The following ACTR1B variants were observed in gnomAD, a reference collection of about 807,000 sequenced individuals.
ACTR1B encodes the protein beta-centractin.
In ACTR1B, 34 loss-of-function variants were observed where a neutral mutation model predicts 49.4. That is an observed-to-expected ratio of 0.69 (90% CI 0.52 to 0.92). ACTR1B has a LOEUF of 0.92. Ranked by LOEUF, ACTR1B falls within the 40% of genes least tolerant of loss-of-function variation. The probability of loss-of-function intolerance (pLI) is 0.00; values close to 1 mark genes in which losing one functional copy is unlikely to be tolerated. For synonymous variants in ACTR1B, 207 were observed against 207.8 expected (o/e 1.00, Z 0.03); for missense variants, 471 against 522.4 (o/e 0.90, Z 0.96).
In ACTR1B at chr2:97,656,843, C is replaced by CGAGG. The variant is rs1559287830; in HGVS notation, c.*14_*15insCCTC. ...TCCCTCCCCCTCTCCCAACATGCCCCGCCCTCCTTGGGCACTAGAAAGTTT... is the reference window on the plus strand; with the variant it reads ...TCCCTCCCCCTCTCCCAACATGCCCCGAGGGCCCTCCTTGGGCACTAGAAAGTTT... On this transcript the variant is annotated 3_prime_UTR_variant, in exon 11 of 11. Coordinates refer to ENST00000289228, the MANE Select transcript of ACTR1B (RefSeq NM_005735.4). The CGAGG allele has an allele frequency of 6.4e-7, 1 of 1,561,644 alleles. No individual in the cohort carries two copies. The highest frequency in any genetic ancestry group is 8.7e-7 in the Non-Finnish European group (1 of 1,149,852).
rs998905538 is a variant in ACTR1B at position 97,659,291 on chromosome 2, C to G, written c.315+61G>C. 9.3e-6 allele frequency: 15 copies of G among 1,608,442 alleles called. No homozygotes were observed. The Admixed American group carries it at 2.3e-4, about 25-fold the overall frequency. On this transcript the variant is annotated intron_variant, in intron 4 of 10. Coordinates refer to ENST00000289228, the MANE Select transcript of ACTR1B (RefSeq NM_005735.4). This position sits in a 1 kb window ranked among gnomAD's most constrained non-coding sequence, Gnocchi z 4.0. ...AATGTGGGAGCCCGGCGAGGAGGGA[C>G]GCAGAGGAGAGGGGCATGGCCAGGA...
chr2:97,663,920 GC>G lies in ACTR1B; in HGVS notation c.-31del. 1 of 1,319,252 alleles carries G rather than the reference GC, an allele frequency of 7.6e-7. No individual in the cohort carries two copies. The highest frequency in any genetic ancestry group is 9.8e-7 in the Non-Finnish European group (1 of 1,019,754). The allele number at this position is 1,319,252 out of a possible 1,614,324, so 81.7% of individuals were successfully genotyped here. On this transcript the variant is annotated 5_prime_UTR_variant, in exon 1 of 11. Coordinates refer to ENST00000289228, the MANE Select transcript of ACTR1B (RefSeq NM_005735.4). ...GGGCCGCGCCGGCCCTGCCCAGCAG[GC>G]GGGCTGCAGGAGGCACCGGATGGGC... is the stretch of plus-strand genomic sequence containing the variant.
At chr2:97,657,752 A>T (rs1038669466) in intron 8 of ACTR1B, among the ~76,000 whole-genome samples, 191 bp downstream of exon 8, 21 of 152,354 alleles carry the variant, frequency 1.4e-4, no homozygotes, top group Non-Finnish European at 2.8e-4. Context: ...TACACTTTAG[A>T]GCTTGTGTAA....
chr2:97,657,276 CT>C, intron 9 of ACTR1B, 84 bp from the exon 10 acceptor site: 1 of 1,568,146 alleles, frequency 6.4e-7, no homozygotes, highest in South Asian at 1.1e-5. Flanking sequence ...TCCCCAGGTC[CT>C]GAAGCCTGAC....
In ACTR1B at chr2:97,659,808, C is replaced by T; in HGVS notation, c.190-331G>A. ...ACATTCTCCTCACACTCTGCCAGCT[C>T]CCCTCTGGCCAGCGCCGGCACCTTG... On this transcript the variant is annotated intron_variant, in intron 3 of 10. Coordinates refer to ENST00000289228, the MANE Select transcript of ACTR1B (RefSeq NM_005735.4). This position sits in a 1 kb window ranked among gnomAD's most constrained non-coding sequence, Gnocchi z 4.0. The T allele has an allele frequency of 5.3e-6, 2 of 380,776 alleles. No homozygotes were observed. Among genetic ancestry groups the T allele is most frequent in the South Asian group, 3.0e-5 (1 of 32,914 alleles). 23.6% of individuals were successfully genotyped at this position (380,776 alleles called of 1,614,324 possible). A position where few individuals can be genotyped will look rare whatever the true frequency, so the allele number is the denominator to read the frequency against.
intron 1 of ACTR1B, among the ~76,000 whole-genome samples, chr2:97,662,337 T>C (rs1172016214): frequency 6.6e-6 from 1 of 151,922 alleles, no homozygotes; most frequent in Non-Finnish European, 1.5e-5. Flanking sequence ...CAACTAATGG[T>C]TGGCTCCAGC....
intron 1 of ACTR1B, among the ~76,000 whole-genome samples, chr2:97,662,484 T>G (rs1675045182): frequency 6.6e-6 from 1 of 151,468 alleles, no homozygotes; most frequent in Non-Finnish European, 1.5e-5. Flanking sequence ...CAGGGCCTGC[T>G]GGAGAAGACC....
Position 97,658,146 on chromosome 2 carries a change from G to A in ACTR1B, c.751-29C>T. ...TAGTGTACAAGATTGAGGCAGACAG[G>A]CTTCCTGGAGAAGCGGGCTACCCCT... On this transcript the variant is annotated intron_variant, in intron 7 of 10. Transcript: ENST00000289228. The surrounding 1 kb of genome is among the most constrained non-coding windows in gnomAD (Gnocchi z 5.9). 1 of 1,612,952 alleles carries A rather than the reference G, an allele frequency of 6.2e-7. No homozygotes were observed. Among genetic ancestry groups the A allele is most frequent in the South Asian group, 1.1e-5 (1 of 91,074 alleles).
At chr2:97,657,254 T>TGGGGAAGGTGACCCCAAGGC in intron 9 of ACTR1B, 62 bp from the exon 10 acceptor site, 1 of 1,595,658 alleles carries the variant, frequency 6.3e-7, no homozygotes, top group Non-Finnish European at 8.6e-7. Context: ...CCTCCCAGCC[T>TGGGGAAGGTGACCCCAAGGC]TGGGGTCACC....
At position 97,658,074 on chromosome 2, in the gene ACTR1B, G is replaced by A. The variant is rs1354582137; in HGVS notation, c.794C>T (p.Pro265Leu). Residue 265 changes from proline (P) to leucine (L), a missense_variant, in exon 8 of 11, where the codon CCG becomes CTG. Transcript: ENST00000289228. The surrounding 1 kb of genome is among the most constrained non-coding windows in gnomAD (Gnocchi z 5.9). ...RFRAPELLFQ[P>L]DLVGDESEGL... The stretch of plus-strand genomic sequence containing the variant: ...CTCACTCTCATCCCCGACAAGGTCC[G>A]GCTGGAACAGCAGCTCGGGGGCCCG... 5.6e-6 allele frequency: 9 copies of A among 1,614,108 alleles called. No individual in the cohort carries two copies. The highest frequency in any genetic ancestry group is 7.6e-6 in the Non-Finnish European group (9 of 1,180,012).
chr2:97,658,811 T>TA lies in ACTR1B; in HGVS notation c.440+67_440+68insT. ...CTGTTTTTCCAGGGAAGTCAGACCC[T>TA]GGTCATGGCAAGCAGGACGGCACAG... is the stretch of plus-strand genomic sequence containing the variant. On this transcript the variant is annotated intron_variant, in intron 5 of 10. Coordinates refer to ENST00000289228, the MANE Select transcript of ACTR1B (RefSeq NM_005735.4). The surrounding 1 kb of genome is among the most constrained non-coding windows in gnomAD (Gnocchi z 5.9). 6.2e-7 allele frequency: 1 copy of TA among 1,608,954 alleles called. No homozygotes were observed. Among genetic ancestry groups the TA allele is most frequent in the East Asian group, 2.2e-5 (1 of 44,728 alleles).
In ACTR1B at chr2:97,659,560, G is replaced by A. The variant is rs1266463066; in HGVS notation, c.190-83C>T. On this transcript the variant is annotated intron_variant, in intron 3 of 10. Transcript: ENST00000289228. The surrounding 1 kb of genome is among the most constrained non-coding windows in gnomAD (Gnocchi z 4.0). ...CCCTCCTGGAAGCTGACCCTCACCT[G>A]CCCTGACCAGAACCTCACCTGCCCT... 1 of 336,502 alleles carries A rather than the reference G, an allele frequency of 3.0e-6. No homozygotes were observed. The highest frequency in any genetic ancestry group is 6.4e-6 in the Non-Finnish European group (1 of 155,380). 20.8% of individuals were successfully genotyped at this position (336,502 alleles called of 1,614,324 possible).
At position 97,657,194 on chromosome 2, in the gene ACTR1B, T is replaced by G; in HGVS notation, c.988-2A>C. ...CAGCCGTTCCTGCGGGGCTGAGATC[T>G]AGAAGGAGGAAGTGGCCACGTTAAC... On this transcript the variant is annotated splice_acceptor_variant, in intron 9 of 10. Coordinates refer to ENST00000289228, the MANE Select transcript of ACTR1B (RefSeq NM_005735.4). LOFTEE classifies it high-confidence loss of function. 1 of 1,613,150 alleles carries G rather than the reference T, an allele frequency of 6.2e-7. No individual in the cohort carries two copies. The highest frequency in any genetic ancestry group is 8.5e-7 in the Non-Finnish European group (1 of 1,179,684).
chr2:97,663,457 C>T lies in ACTR1B; in HGVS notation c.48+386G>A, dbSNP rs117085417. ...AATGACAAATGCTACCCCACCTCCGCCAGGCAGCCAGAGCCAGGGCCGAAG... is the reference window on the plus strand; with the variant it reads ...AATGACAAATGCTACCCCACCTCCGTCAGGCAGCCAGAGCCAGGGCCGAAG... On this transcript the variant is annotated intron_variant, in intron 1 of 10. Transcript: ENST00000289228. Among the ~76,000 whole-genome samples the T allele has an allele frequency of 9.8e-5, 15 of 152,342 alleles. No homozygotes were observed. In the East Asian group the frequency reaches 2.9e-3, roughly 29 times the overall value.
chr2:97,658,046 C>T lies in ACTR1B; in HGVS notation c.822G>A (p.Gly274=). 6.2e-7 allele frequency: 1 copy of T among 1,614,134 alleles called. No homozygotes were observed. The highest frequency in any genetic ancestry group is 8.5e-7 in the Non-Finnish European group (1 of 1,180,036). Residue 274 remains glycine, a synonymous_variant, in exon 8 of 11, where the codon GGG becomes GGA. Coordinates refer to ENST00000289228, the MANE Select transcript of ACTR1B (RefSeq NM_005735.4). The surrounding 1 kb of genome is among the most constrained non-coding windows in gnomAD (Gnocchi z 5.9). ...TGGCGAAGGCCACCACCTCATGGAG[C>T]CCCTCACTCTCATCCCCGACAAGGT... is the stretch of plus-strand genomic sequence containing the variant. ...QPDLVGDESE[G]LHEVVAFAIH...
intron 3 of ACTR1B, 105 bp downstream of exon 3, chr2:97,660,466 T>C: frequency 8.7e-7 from 1 of 1,151,988 alleles, no homozygotes; most frequent in African/African-American, 1.5e-5. Context: ...AGCTGGAGCC[T>C]GGAGGAGGTA....
At position 97,659,027 on chromosome 2, in the gene ACTR1B, G is replaced by A. The variant is rs1674938707; in HGVS notation, c.316-24C>T. ...TGCTGCGAGGGACGGGACAGTTGTA[G>A]GCATCAGAGGAGGCAACTTGCAAGG... is the stretch of plus-strand genomic sequence containing the variant. On this transcript the variant is annotated intron_variant, in intron 4 of 10. Coordinates refer to ENST00000289228, the MANE Select transcript of ACTR1B (RefSeq NM_005735.4). The surrounding 1 kb of genome is among the most constrained non-coding windows in gnomAD (Gnocchi z 4.0). The A allele has an allele frequency of 6.2e-7, 1 of 1,613,770 alleles. No homozygotes were observed.
chr2:97,658,643 C>G lies in ACTR1B; in HGVS notation c.441G>C (p.Leu147=). The G allele has an allele frequency of 6.2e-7, 1 of 1,613,696 alleles. No homozygotes were observed. The part of the protein sequence containing the change: ...LFISMQAVLS[L]YATGRTTGVV... Reference sequence around the variant, plus strand: ...CTCCTGTCGTGCGTCCTGTTGCGTACCTGTCACCAGGTCAGCATCCCCTCA... The same window carrying G: ...CTCCTGTCGTGCGTCCTGTTGCGTAGCTGTCACCAGGTCAGCATCCCCTCA... Residue 147 remains leucine (L), a splice_region_variant and synonymous_variant, in exon 6 of 11, where the codon CTG becomes CTC. Transcript: ENST00000289228. This position sits in a 1 kb window ranked among gnomAD's most constrained non-coding sequence, Gnocchi z 5.9.
intron 1 of ACTR1B, among the ~76,000 whole-genome samples, 180 bp downstream of exon 1, chr2:97,663,663 T>A (rs562818351): frequency 1.1e-3 from 171 of 151,190 alleles, no homozygotes; most frequent in Non-Finnish European, 2.1e-3. Flanking sequence ...GCTCGCCCCA[T>A]GGCCGGCCTT....
Sources: allele counts gnomAD v4.1 joint callset (sites outside exome capture counted in the v4.1 genomes callset), GRCh38; gene constraint gnomAD v4.1.1; non-coding constraint Gnocchi (gnomAD v3.1); transcripts MANE v1.5; gene names NCBI Gene and HGNC (gene_info 2026-07-23, HGNC 2026-07-21).